Variants in LGR4 observed in about 807,000 individuals in gnomAD.
LGR4 encodes leucine-rich repeat-containing G protein-coupled receptor 4.
A neutral mutation model predicts 84.8 loss-of-function variants in LGR4; 44 were observed. The observed-to-expected ratio is 0.52, with a 90% CI of 0.41 to 0.67. The LOEUF is 0.67. Among genes scored for constraint, LGR4 ranks in the 30% least tolerant of loss-of-function variants. The pLI, the probability that LGR4 is intolerant of heterozygous loss-of-function variation, is 0.00. For synonymous variants in LGR4, 429 were observed against 434.3 expected (o/e 0.99, Z 0.15); for missense variants, 1,032 against 1,131.4 (o/e 0.91, Z 1.26).
In LGR4 at chr11:27,472,313, G is replaced by T; in HGVS notation, c.-11C>A. The T allele has an allele frequency of 8.3e-7, 1 of 1,198,270 alleles. No homozygotes were observed. The highest frequency in any genetic ancestry group is 1.0e-6 in the Non-Finnish European group (1 of 966,672). The allele number at this position is 1,198,270 out of a possible 1,614,324, so 74.2% of individuals were successfully genotyped here. A position where few individuals can be genotyped will look rare whatever the true frequency, so the allele number is the denominator to read the frequency against. ...TAGCGGGCCCGGCATTGCTGCGGCC[G>T]CCTCCCGCGCCGGCCTCTCCCGCGG... On this transcript the variant is annotated 5_prime_UTR_variant, in exon 1 of 18. Transcript: ENST00000379214.
intron 1 of LGR4, among the ~76,000 whole-genome samples, chr11:27,458,208 A>C (rs976996004): frequency 6.6e-6 from 1 of 152,146 alleles, no homozygotes; most frequent in African/African-American, 2.4e-5. Flanking sequence ...GTATGGTGAG[A>C]AAAATAGGCC....
chr11:27,421,571 T>C (rs1863924374), intron 1 of LGR4, among the ~76,000 whole-genome samples: 3 of 152,172 alleles, frequency 2.0e-5, no homozygotes, highest in Admixed American at 6.5e-5. Flanking sequence ...GATAAAACAC[T>C]GGTGTGTAAA....
intron 1 of LGR4, among the ~76,000 whole-genome samples, chr11:27,432,085 G>A (rs1864126258): frequency 1.3e-5 from 2 of 152,140 alleles, no homozygotes; most frequent in Admixed American, 1.3e-4. Flanking sequence ...GTTCAGGACT[G>A]AAATACTGAT....
intron 14 of LGR4, 105 bp downstream of exon 14, chr11:27,373,870 G>T: frequency 9.7e-7 from 1 of 1,036,186 alleles, no homozygotes; most frequent in Non-Finnish European, 1.5e-6. Context: ...TTTATACAAG[G>T]GAATAACTAA....
chr11:27,458,705 A>C (rs1864621050), intron 1 of LGR4, among the ~76,000 whole-genome samples: 1 of 151,808 alleles, frequency 6.6e-6, no homozygotes, highest in African/African-American at 2.4e-5. Context: ...TGCCCAGCTA[A>C]TTTTTGTATT....
chr11:27,419,660 G>A (rs1393295799), intron 1 of LGR4, among the ~76,000 whole-genome samples: 1 of 147,286 alleles, frequency 6.8e-6, no homozygotes, highest in Non-Finnish European at 1.5e-5. Flanking sequence ...ACATATATAT[G>A]TGTATATATA....
chr11:27,462,305 A>G (rs1864698588), intron 1 of LGR4, among the ~76,000 whole-genome samples: 1 of 152,206 alleles, frequency 6.6e-6, no homozygotes, highest in Admixed American at 6.5e-5. Flanking sequence ...CTACTTGACC[A>G]GCCATCTCAG....
intron 2 of LGR4, among the ~76,000 whole-genome samples, chr11:27,410,984 A>G (rs775702941): frequency 6.6e-6 from 1 of 152,146 alleles, no homozygotes; most frequent in Non-Finnish European, 1.5e-5. Flanking sequence ...CAGATTAACC[A>G]GGTTTGACTC....
intron 13 of LGR4, among the ~76,000 whole-genome samples, chr11:27,375,297 CAAAAAA>C (rs5790647): frequency 8.5e-6 from 1 of 118,154 alleles, no homozygotes; most frequent in Admixed American, 8.6e-5. Flanking sequence ...GACCCTGTCT[CAAAAAA>C]AAAAAAAAAA....
intron 2 of LGR4, among the ~76,000 whole-genome samples, chr11:27,399,059 T>C (rs4511247): frequency 0.65 from 98,937 of 151,862 alleles, 33,472 homozygotes; most frequent in African/African-American, 0.82. Context: ...TACAGCCATG[T>C]ACCACCACAC....
chr11:27,444,398 C>A (rs1442950238), intron 1 of LGR4, among the ~76,000 whole-genome samples: 1 of 152,128 alleles, frequency 6.6e-6, no homozygotes, highest in African/African-American at 2.4e-5. Context: ...GTCTCTAAAC[C>A]TTTCAATAGC....
At chr11:27,439,603 T>C (rs1290515802) in intron 1 of LGR4, among the ~76,000 whole-genome samples, 7 of 152,132 alleles carry the variant, frequency 4.6e-5, no homozygotes, top group Non-Finnish European at 8.8e-5. Flanking sequence ...AGGAGTGAAA[T>C]TGCTGGGCCA....
intron 1 of LGR4, among the ~76,000 whole-genome samples, chr11:27,456,134 C>G (rs893457220): frequency 6.6e-6 from 1 of 152,088 alleles, no homozygotes; most frequent in Non-Finnish European, 1.5e-5. Flanking sequence ...TTTAGAATCA[C>G]CAAGCAAATG....
At position 27,366,725 on chromosome 11, in the gene LGR4, T is replaced by G. The variant is rs1479376833; in HGVS notation, c.*1142A>C. The G allele has an allele frequency of 6.6e-6, 1 of 152,572 alleles. No homozygotes were observed. The highest frequency in any genetic ancestry group is 2.4e-5 in the African/African-American group (1 of 41,466). 9.5% of individuals were successfully genotyped at this position (152,572 alleles called of 1,614,324 possible). A position where few individuals can be genotyped will look rare whatever the true frequency, so the allele number is the denominator to read the frequency against. ...GCTTTATTCTTTCTTCTTCTATTTT[T>G]ATTAATAACATATTATCTTGTTTAA... is the stretch of plus-strand genomic sequence containing the variant. On this transcript the variant is annotated 3_prime_UTR_variant, in exon 18 of 18. Transcript: ENST00000379214.
chr11:27,417,450 C>T (rs1863841782), intron 1 of LGR4, among the ~76,000 whole-genome samples: 1 of 152,046 alleles, frequency 6.6e-6, no homozygotes, highest in Non-Finnish European at 1.5e-5. Context: ...AAACTGAAAA[C>T]TAAAAATGAA....
chr11:27,432,837 C>T (rs192637151), intron 1 of LGR4, among the ~76,000 whole-genome samples: 19 of 152,272 alleles, frequency 1.2e-4, no homozygotes, highest in African/African-American at 4.6e-4. Context: ...CTTAGATCTC[C>T]TTACCCGTAT....
intron 12 of LGR4, among the ~76,000 whole-genome samples, chr11:27,376,743 G>A (rs944903588): frequency 6.6e-6 from 1 of 152,132 alleles, no homozygotes; most frequent in Non-Finnish European, 1.5e-5. Context: ...GACAAATACC[G>A]TAGGAATAAA....
At chr11:27,425,498 T>G (rs984818143) in intron 1 of LGR4, among the ~76,000 whole-genome samples, 1 of 151,898 alleles carries the variant, frequency 6.6e-6, no homozygotes, top group Non-Finnish European at 1.5e-5. Flanking sequence ...ATTTTTAAAA[T>G]TTTTTTGTAG....
intron 1 of LGR4, among the ~76,000 whole-genome samples, chr11:27,460,759 C>T (rs1864665944): frequency 6.6e-6 from 1 of 152,160 alleles, no homozygotes; most frequent in Non-Finnish European, 1.5e-5. Context: ...ATGAAATATT[C>T]CATATGTTTT....
Sources: gnomAD v4.1 joint callset for allele counts (sites outside exome capture counted in the v4.1 genomes callset) on GRCh38, gnomAD v4.1.1 for gene constraint, MANE v1.5 for transcripts, NCBI Gene and HGNC (gene_info 2026-07-23, HGNC 2026-07-21) for gene names.